Variants in BABAM2 observed in about 807,000 individuals in gnomAD.
BABAM2 encodes the protein BRISC and BRCA1-A complex member 2.
A neutral mutation model predicts 54.7 loss-of-function variants in BABAM2; 31 were observed. That is an observed-to-expected ratio of 0.57 (90% CI 0.43 to 0.77). The LOEUF (loss-of-function observed/expected upper bound fraction) is 0.77, where lower values mean the gene tolerates loss of function less well. Among genes scored for constraint, BABAM2 ranks in the 30% least tolerant of loss-of-function variants. BABAM2 has a pLI of 0.00. For synonymous variants in BABAM2, 167 were observed against 162.9 expected (o/e 1.03, Z -0.19); for missense variants, 364 against 455.8 (o/e 0.80, Z 1.83).
intron 6 of BABAM2, among the ~76,000 whole-genome samples, chr2:28,126,328 G>A (rs62140447): frequency 8.0e-6 from 1 of 125,218 alleles, no homozygotes; most frequent in South Asian, 2.6e-4. Flanking sequence ...AGAGTGTGAT[G>A]TTCCCCTTCC....
At chr2:28,269,113 A>G (rs1026600837) in intron 10 of BABAM2, among the ~76,000 whole-genome samples, 4 of 152,228 alleles carry the variant, frequency 2.6e-5, no homozygotes, top group Admixed American at 6.5e-5. Context: ...GGGTAACCAC[A>G]TTACTTAATA....
intron 3 of BABAM2, among the ~76,000 whole-genome samples, chr2:27,940,237 C>T (rs890934449): frequency 6.6e-6 from 1 of 152,100 alleles, no homozygotes; most frequent in African/African-American, 2.4e-5. Flanking sequence ...AGCAGCTATT[C>T]ACATAAAAAG....
At chr2:28,179,917 A>G (rs1466959045) in intron 7 of BABAM2, among the ~76,000 whole-genome samples, 1 of 152,194 alleles carries the variant, frequency 6.6e-6, no homozygotes, top group African/African-American at 2.4e-5. Context: ...CAAGGAGGTG[A>G]AAGACCTCTA....
chr2:28,148,349 C>T (rs759604377), intron 7 of BABAM2, among the ~76,000 whole-genome samples: 11 of 152,158 alleles, frequency 7.2e-5, no homozygotes, highest in Non-Finnish European at 8.8e-5. Flanking sequence ...CAAGTGCAGG[C>T]AGCCCCCCAC....
intron 7 of BABAM2, among the ~76,000 whole-genome samples, chr2:28,157,360 T>G (rs1409118119): frequency 1.3e-5 from 2 of 152,218 alleles, no homozygotes; most frequent in Non-Finnish European, 2.9e-5. Context: ...ACCCCATTTT[T>G]AAAATGCAGT....
intron 11 of BABAM2, among the ~76,000 whole-genome samples, chr2:28,327,789 T>C (rs1690604864): frequency 6.6e-6 from 1 of 152,186 alleles, no homozygotes; most frequent in South Asian, 2.1e-4. Context: ...TGGTACTGTG[T>C]TCCCACTGCG....
intron 11 of BABAM2, among the ~76,000 whole-genome samples, chr2:28,330,826 A>T (rs12714229): frequency 0.75 from 113,381 of 151,826 alleles, 44,486 homozygotes; most frequent in Non-Finnish European, 0.89. Context: ...GAATTTTTTT[A>T]AAAATTCTAC....
intron 6 of BABAM2, among the ~76,000 whole-genome samples, chr2:28,098,602 A>G (rs781757772): frequency 3.3e-5 from 5 of 152,114 alleles, no homozygotes; most frequent in East Asian, 1.9e-4. Flanking sequence ...TTGCTTCCCT[A>G]TGAACTAGGA....
At chr2:28,147,509 T>C (rs1162588005) in intron 7 of BABAM2, among the ~76,000 whole-genome samples, 6 of 151,928 alleles carry the variant, frequency 3.9e-5, no homozygotes. Flanking sequence ...AGTCTCACTC[T>C]GTCCCCCAGG....
At chr2:28,302,856 A>AC in intron 11 of BABAM2, among the ~76,000 whole-genome samples, 1 of 152,176 alleles carries the variant, frequency 6.6e-6, no homozygotes, top group Middle Eastern at 3.4e-3. Flanking sequence ...GCATGTGCTT[A>AC]TTGGTTTATC....
intron 4 of BABAM2, among the ~76,000 whole-genome samples, chr2:28,001,655 G>A (rs1673586451): frequency 6.6e-6 from 1 of 152,166 alleles, no homozygotes; most frequent in Non-Finnish European, 1.5e-5. Context: ...ACATAGTGCT[G>A]GCATCTGCTT....
At chr2:27,972,830 G>A (rs564524638) in intron 3 of BABAM2, among the ~76,000 whole-genome samples, 52 of 143,960 alleles carry the variant, frequency 3.6e-4, no homozygotes, top group Non-Finnish European at 6.9e-4. Context: ...GCAGTGGCTC[G>A]ATCTCGACTC....
At chr2:28,167,522 C>T (rs537677923) in intron 7 of BABAM2, among the ~76,000 whole-genome samples, 19 of 151,898 alleles carry the variant, frequency 1.3e-4, no homozygotes, top group African/African-American at 2.2e-4. Context: ...GGTGAAACCC[C>T]GTCTCTACCA....
At chr2:28,013,730 CGTGT>C (rs1553411800) in intron 4 of BABAM2, among the ~76,000 whole-genome samples, 1 of 136,894 alleles carries the variant, frequency 7.3e-6, no homozygotes, top group Non-Finnish European at 1.5e-5. Context: ...CACACACACA[CGTGT>C]GTGTGTGTAC....
At chr2:27,893,684 A>G (rs1399894323) in intron 1 of BABAM2, among the ~76,000 whole-genome samples, 1 of 152,182 alleles carries the variant, frequency 6.6e-6, no homozygotes, top group East Asian at 1.9e-4. Flanking sequence ...CTGTGGACGG[A>G]AAGGTATTAA....
intron 10 of BABAM2, among the ~76,000 whole-genome samples, chr2:28,285,158 G>T (rs1426535043): frequency 6.6e-6 from 1 of 152,100 alleles, no homozygotes; most frequent in Non-Finnish European, 1.5e-5. Context: ...TTTTCTATGT[G>T]CAAGACTGTA....
At chr2:28,015,323 TAC>T (rs1412859267) in intron 4 of BABAM2, among the ~76,000 whole-genome samples, 2 of 152,340 alleles carry the variant, frequency 1.3e-5, no homozygotes, top group Non-Finnish European at 1.5e-5. Context: ...TACATTTATC[TAC>T]AGAGTAAGGG....
intron 4 of BABAM2, among the ~76,000 whole-genome samples, chr2:27,988,998 C>T (rs1448612378): frequency 6.6e-6 from 1 of 152,070 alleles, no homozygotes; most frequent in Admixed American, 6.6e-5. Flanking sequence ...GAAGTAGTAA[C>T]CCAAACCTAA....
chr2:28,297,174 T>G (rs1164457810), intron 10 of BABAM2, among the ~76,000 whole-genome samples: 2 of 152,184 alleles, frequency 1.3e-5, no homozygotes, highest in Non-Finnish European at 2.9e-5. Context: ...AGCCGAATGT[T>G]TGAATCATGG....
Sources: gnomAD v4.1 joint callset for allele counts (sites outside exome capture counted in the v4.1 genomes callset) on GRCh38, gnomAD v4.1.1 for gene constraint, MANE v1.5 for transcripts, NCBI Gene and HGNC (gene_info 2026-07-23, HGNC 2026-07-21) for gene names.